Variants in EPC2 observed in about 807,000 individuals in gnomAD.
EPC2 encodes the protein enhancer of polycomb 2.
EPC2 carries 14 observed loss-of-function variants against 92.1 expected under a neutral mutation model. The ratio of observed to expected loss-of-function variants is 0.15; its 90% CI spans 0.10 to 0.24. The LOEUF (loss-of-function observed/expected upper bound fraction) is 0.24. Among genes scored for constraint, EPC2 ranks in the 10% least tolerant of loss-of-function variants. The probability of loss-of-function intolerance (pLI) is 1.00; values close to 1 mark genes in which losing one functional copy is unlikely to be tolerated. For synonymous variants in EPC2, 340 were observed against 334.7 expected, an observed-to-expected ratio of 1.02 and a Z score of -0.17; for missense variants, 755 against 971.5, an observed-to-expected ratio of 0.78 and a Z score of 2.96.
At chr2:148,649,703 C>T (rs1482066522) in intron 1 of EPC2, among the ~76,000 whole-genome samples, 1 of 152,168 alleles carries the variant, frequency 6.6e-6, no homozygotes, top group Non-Finnish European at 1.5e-5. Flanking sequence ...GAAATTCAGA[C>T]CCTTGACATT....
chr2:148,698,768 A>G (rs928220744), intron 2 of EPC2, among the ~76,000 whole-genome samples: 5 of 137,358 alleles, frequency 3.6e-5, no homozygotes, highest in African/African-American at 7.8e-5. Context: ...TAATTGTGGA[A>G]AAAAATAATA....
At chr2:148,695,095 A>G (rs1681719663) in intron 2 of EPC2, among the ~76,000 whole-genome samples, 1 of 152,206 alleles carries the variant, frequency 6.6e-6, no homozygotes, top group Non-Finnish European at 1.5e-5. Flanking sequence ...TTTCTTAAGT[A>G]TTCTGAAGTT....
chr2:148,754,048 T>C lies in EPC2; in HGVS notation c.581T>C (p.Ile194Thr). The change falls in exon 4 of 14, where the codon ATA becomes ACA. Residue 194 changes from isoleucine to threonine, a missense_variant. Physicochemically the swap from Ile to Thr is moderately conservative, Grantham distance 89. This residue lies in a region of EPC2 where 509 missense variants were observed against 607.7 expected (regional missense o/e 0.84). Transcript: ENST00000258484. ...AGGGGGCCATCCCTCATTCCTCAGA[T>C]AAAACAAGAGAAAAGAGATGGCTCT... The part of the protein sequence containing the change: ...NCRGPSLIPQ[I>T]KQEKRDGSTN... The C allele has an allele frequency of 1.2e-6, 2 of 1,611,408 alleles. No homozygotes were observed. Among genetic ancestry groups the C allele is most frequent in the Non-Finnish European group, 1.7e-6 (2 of 1,178,788 alleles).
At chr2:148,711,088 TTTGA>T (rs1178350931) in intron 2 of EPC2, among the ~76,000 whole-genome samples, 2 of 152,088 alleles carry the variant, frequency 1.3e-5, no homozygotes, top group African/African-American at 4.8e-5. Flanking sequence ...CTGTTTTCAG[TTTGA>T]TTAATTTCTC....
intron 2 of EPC2, among the ~76,000 whole-genome samples, chr2:148,740,228 CT>C (rs923664493): frequency 8.6e-4 from 121 of 140,482 alleles, no homozygotes; most frequent in Non-Finnish European, 9.0e-4. Context: ...AGTATGTCCT[CT>C]TTTTTTTTTT....
At chr2:148,754,423 G>A (rs748561602) in intron 4 of EPC2, among the ~76,000 whole-genome samples, 2 of 152,122 alleles carry the variant, frequency 1.3e-5, no homozygotes, top group Non-Finnish European at 2.9e-5. Flanking sequence ...TTTTATGCTT[G>A]CAGTTGAAGT....
chr2:148,786,442 A>G lies in EPC2; in HGVS notation c.*65A>G, dbSNP rs1683868403. 4.7e-6 allele frequency: 6 copies of G among 1,280,824 alleles called. No homozygotes were observed. The highest frequency in any genetic ancestry group is 6.7e-6 in the Non-Finnish European group (6 of 895,398). The allele number at this position is 1,280,824 out of a possible 1,614,324, so 79.3% of individuals were successfully genotyped here. ...GTCATTCATATTCCAGCTGAATGCAAAAGGCAACACTCTGTGGATCACAGA... is the reference window on the plus strand; with the variant it reads ...GTCATTCATATTCCAGCTGAATGCAGAAGGCAACACTCTGTGGATCACAGA... On this transcript the variant is annotated 3_prime_UTR_variant, in exon 14 of 14. Transcript: ENST00000258484.
chr2:148,701,367 T>C (rs1180897211), intron 2 of EPC2, among the ~76,000 whole-genome samples: 1 of 152,232 alleles, frequency 6.6e-6, no homozygotes, highest in Admixed American at 6.5e-5. Context: ...GTCTGGTTTC[T>C]TACACTTGTG....
Position 148,651,676 on chromosome 2 carries a change from T to G in EPC2, c.153+6506T>G, listed in dbSNP as rs79207513. 4.7e-3 allele frequency among the ~76,000 whole-genome samples: 713 copies of G among 152,272 alleles called. 1 individual carries two copies. The highest frequency in any genetic ancestry group is 8.2e-3 in the Non-Finnish European group (561 of 68,002). On this transcript the variant is annotated intron_variant, in intron 1 of 13. Transcript: ENST00000258484. ...TAAGTGGGTTAAATGGCCATATAAT[T>G]TGGAAGTTGCTTAGCTTTTCTGAGC...
chr2:148,775,936 C>T (rs1207977699), intron 10 of EPC2, among the ~76,000 whole-genome samples: 1 of 151,668 alleles, frequency 6.6e-6, no homozygotes, highest in Non-Finnish European at 1.5e-5. Flanking sequence ...CACCACCACA[C>T]CTGCCTAATT....
intron 4 of EPC2, among the ~76,000 whole-genome samples, chr2:148,759,353 A>G (rs1267267469): frequency 6.6e-6 from 1 of 152,204 alleles, no homozygotes; most frequent in African/African-American, 2.4e-5. Flanking sequence ...TTGGCCTCCC[A>G]AAGTGCTGGG....
At chr2:148,670,936 C>T (rs1247289579) in intron 1 of EPC2, among the ~76,000 whole-genome samples, 1 of 152,150 alleles carries the variant, frequency 6.6e-6, no homozygotes, top group Non-Finnish European at 1.5e-5. Flanking sequence ...CTTCCTTTCT[C>T]ATCTTCTGAA....
intron 2 of EPC2, among the ~76,000 whole-genome samples, chr2:148,738,476 G>A (rs1362892511): frequency 6.6e-6 from 1 of 152,182 alleles, no homozygotes; most frequent in East Asian, 1.9e-4. Context: ...GGTTTTTGTT[G>A]TTATTATAAA....
At chr2:148,780,187 T>G (rs1243018912) in intron 10 of EPC2, among the ~76,000 whole-genome samples, 1 of 152,126 alleles carries the variant, frequency 6.6e-6, no homozygotes, top group Non-Finnish European at 1.5e-5. Flanking sequence ...AATATAAAAT[T>G]TTGGAGTGAG....
intron 3 of EPC2, among the ~76,000 whole-genome samples, chr2:148,749,790 A>C (rs1683051766): frequency 6.6e-6 from 1 of 152,146 alleles, no homozygotes; most frequent in East Asian, 1.9e-4. Flanking sequence ...TAAAACCACC[A>C]TACCATGCTG....
At chr2:148,720,413 G>T (rs1048916248) in intron 2 of EPC2, among the ~76,000 whole-genome samples, 2 of 152,168 alleles carry the variant, frequency 1.3e-5, no homozygotes, top group Admixed American at 1.3e-4. Flanking sequence ...TGTCATGGAA[G>T]TGGGCCTGCA....
intron 2 of EPC2, among the ~76,000 whole-genome samples, chr2:148,703,710 T>C (rs1028325050): frequency 2.6e-5 from 4 of 152,236 alleles, no homozygotes; most frequent in South Asian, 2.1e-4. Context: ...ATTTTAATGC[T>C]TTTAGACACA....
In EPC2 at chr2:148,781,635, C is replaced by T. The variant is rs1558839300; in HGVS notation, c.1721-9C>T. The T allele has an allele frequency of 6.2e-7, 1 of 1,607,516 alleles. No homozygotes were observed. Among genetic ancestry groups the T allele is most frequent in the African/African-American group, 1.3e-5 (1 of 74,804 alleles). Reference sequence around the variant, plus strand: ...CGTACTCATTTCCAAAATTCATGTTCTTTACCAGTAACAGGGGGTATCACA... The same window carrying T: ...CGTACTCATTTCCAAAATTCATGTTTTTTACCAGTAACAGGGGGTATCACA... On this transcript the variant is annotated splice_polypyrimidine_tract_variant and intron_variant, in intron 10 of 13. Coordinates refer to ENST00000258484, the MANE Select transcript of EPC2 (RefSeq NM_015630.4).
At chr2:148,660,378 A>G (rs1680907294) in intron 1 of EPC2, among the ~76,000 whole-genome samples, 1 of 152,158 alleles carries the variant, frequency 6.6e-6, no homozygotes, top group African/African-American at 2.4e-5. Context: ...ACTGGTCTAA[A>G]GGGAGCTTGA....
Sources: allele counts gnomAD v4.1 joint callset (sites outside exome capture counted in the v4.1 genomes callset), GRCh38; gene constraint gnomAD v4.1.1; regional missense constraint gnomAD v4.1.1; transcripts MANE v1.5; gene names NCBI Gene and HGNC (gene_info 2026-07-23, HGNC 2026-07-21).